The following MRPS10 variants were observed in gnomAD, a reference collection of about 807,000 sequenced individuals.
MRPS10 encodes mitochondrial ribosomal protein S10, also known as small ribosomal subunit protein uS10m.
MRPS10 carries 23 observed loss-of-function variants against 27.5 expected under a neutral mutation model. The observed-to-expected ratio is 0.84, with a 90% confidence interval of 0.60 to 1.18. The LOEUF (loss-of-function observed/expected upper bound fraction) is 1.18, where lower values mean the gene tolerates loss of function less well. MRPS10 is among the 50% of genes most tolerant of loss of function. The pLI is 0.00. For missense variants in MRPS10, 237 were observed against 240.1 expected, an observed-to-expected ratio of 0.99 and a Z score of 0.09; for synonymous variants, 88 against 84.2, an observed-to-expected ratio of 1.04 and a Z score of -0.25.
chr6:42,214,637 G>GA lies in MRPS10; in HGVS notation c.49-294dup, dbSNP rs3215606. Among the ~76,000 whole-genome samples, 327 of 151,988 alleles carry GA rather than the reference G, an allele frequency of 2.2e-3. 2 individuals are homozygous for GA. The highest frequency in any genetic ancestry group is 7.4e-3 in the African/African-American group (305 of 41,390). On this transcript the variant is annotated intron_variant, in intron 1 of 6. Coordinates refer to ENST00000053468, the MANE Select transcript of MRPS10 (RefSeq NM_018141.4). ...AAGCTATGAATTATGTGGACATCAA[G>GA]AAAAAATGTGACTTCATTTTCCCAT...
At chr6:42,212,467 T>C (rs1418790035) in intron 3 of MRPS10, among the ~76,000 whole-genome samples, 1 of 151,978 alleles carries the variant, frequency 6.6e-6, no homozygotes, top group Non-Finnish European at 1.5e-5. Context: ...GTTCTATTCA[T>C]ATTTTTTATT....
intron 3 of MRPS10, among the ~76,000 whole-genome samples, chr6:42,213,186 T>C (rs934291962): frequency 6.6e-6 from 1 of 152,190 alleles, no homozygotes; most frequent in African/African-American, 2.4e-5. Flanking sequence ...TGGTGGCTCA[T>C]GCCTGTAATC....
chr6:42,213,583 G>C (rs968541226), intron 3 of MRPS10, among the ~76,000 whole-genome samples: 12 of 152,106 alleles, frequency 7.9e-5, no homozygotes, highest in African/African-American at 2.9e-4. Context: ...CTGTTAAAGG[G>C]GGTTATTTTT....
chr6:42,210,339 C>A (rs1249577979), intron 5 of MRPS10, 149 bp downstream of exon 5: 1 of 348,352 alleles, frequency 2.9e-6, no homozygotes, highest in Non-Finnish European at 5.3e-6. Context: ...ATGACACTTC[C>A]ATAAACACTA....
rs1207258001 is a variant in MRPS10, at chr6:42,214,108, G to A, written c.186+12C>T. 2.5e-6 allele frequency: 4 copies of A among 1,598,342 alleles called. No individual in the cohort carries two copies. Among genetic ancestry groups the A allele is most frequent in the Admixed American group, 1.7e-5 (1 of 59,250 alleles). On this transcript the variant is annotated intron_variant, in intron 3 of 6. Transcript: ENST00000053468. ...AGGTAGCTCCTTATACCAAGAAACA[G>A]GGAGTACATACCACAGGTTTGGTCA...
intron 1 of MRPS10, among the ~76,000 whole-genome samples, chr6:42,216,602 G>A (rs920615287): frequency 2.0e-5 from 3 of 151,522 alleles, no homozygotes; most frequent in Non-Finnish European, 4.4e-5. Flanking sequence ...CTTGAGGTCA[G>A]GAGTTCGAGA....
intron 3 of MRPS10, among the ~76,000 whole-genome samples, chr6:42,212,256 C>T (rs187721692): frequency 5.9e-5 from 9 of 152,316 alleles, no homozygotes; most frequent in Admixed American, 5.9e-4. Context: ...GGGCAGAAGA[C>T]TTGGATTGAG....
intron 5 of MRPS10, among the ~76,000 whole-genome samples, chr6:42,209,872 C>G (rs1412534610): frequency 1.3e-5 from 2 of 151,320 alleles, no homozygotes; most frequent in Non-Finnish European, 2.9e-5. Context: ...TTAATATTTA[C>G]CAATCACTTA....
intron 1 of MRPS10, among the ~76,000 whole-genome samples, chr6:42,216,007 TTTCTTTTTTTTTTCTTTTC>T (rs1768915417): frequency 7.0e-6 from 1 of 142,424 alleles, no homozygotes; most frequent in Non-Finnish European, 1.5e-5. Context: ...TGCTTTTTCT[TTTCTTTTTTTTTTCTTTTC>T]TTTTTTTTTT....
chr6:42,212,188 C>T (rs985087302), intron 3 of MRPS10, among the ~76,000 whole-genome samples: 12 of 152,160 alleles, frequency 7.9e-5, no homozygotes, highest in South Asian at 2.1e-4. Context: ...CTTAAAATAA[C>T]GATTCAGCTT....
chr6:42,214,335 T>C lies in MRPS10; in HGVS notation c.58A>G (p.Asn20Asp), dbSNP rs1335268131. 2 of 1,607,594 alleles carry C rather than the reference T, an allele frequency of 1.2e-6. No homozygotes were observed. Among genetic ancestry groups the C allele is most frequent in the South Asian group, 2.2e-5 (2 of 89,996 alleles). The change falls in exon 2 of 7, where the codon AAT becomes GAT. Residue 20 changes from asparagine to aspartate, a missense_variant. Transcript: ENST00000053468. ...VCRRLWQGLG[N>D]FSVNTSKGNT... ...CCCTTAGAAGTGTTTACAGAAAAAT[T>C]CCCCAATCCCTAAAGAAAAAAAAAG...
At chr6:42,213,967 G>A (rs1198862101) in intron 3 of MRPS10, among the ~76,000 whole-genome samples, 153 bp downstream of exon 3, 1 of 152,122 alleles carries the variant, frequency 6.6e-6, no homozygotes, top group Non-Finnish European at 1.5e-5. Flanking sequence ...ATAATCCAGG[G>A]AGTTAAGAGA....
At position 42,214,273 on chromosome 6, in the gene MRPS10, T is replaced by C. The variant is rs375853521; in HGVS notation, c.113+7A>G. On this transcript the variant is annotated splice_region_variant and intron_variant, in intron 2 of 6. Transcript: ENST00000053468. ...GTTCAATTTAGCACATCCAATTGTA[T>C]ACTTACAGAAGCAAGCCACCATTTT... is the stretch of plus-strand genomic sequence containing the variant. 5.0e-6 allele frequency: 8 copies of C among 1,612,140 alleles called. No individual in the cohort carries two copies. In the Admixed American group the frequency reaches 1.2e-4, roughly 24 times the overall value.
intron 5 of MRPS10, 82 bp from the exon 6 acceptor site, chr6:42,209,029 T>C (rs1251615628): frequency 5.1e-5 from 45 of 877,654 alleles, no homozygotes; most frequent in Non-Finnish European, 7.7e-5. Flanking sequence ...AGATGGAGTC[T>C]CACTCTGTTG....
rs1176001743 is a variant in MRPS10 at position 42,211,877 on chromosome 6, A to G, written c.227T>C (p.Leu76Pro). Reference protein sequence around the residue: ...SDEPDILYKRLSVLVKGHDKA... With the variant: ...SDEPDILYKRPSVLVKGHDKA... The stretch of plus-strand genomic sequence containing the variant: ...ATCGTGACCTTTCACCAAAACCGAG[A>G]GGCGCTTATATAATATGTCTGGTTC... Residue 76 changes from leucine (L) to proline (P), a missense_variant, in exon 4 of 7, where the codon CTC becomes CCC. Around this residue, in one of 3 missense-constraint regions of MRPS10, gnomAD observed 164 missense variants for 137.8 expected, o/e 1.19. Coordinates refer to ENST00000053468, the MANE Select transcript of MRPS10 (RefSeq NM_018141.4). 1 of 1,614,028 alleles carries G rather than the reference A, an allele frequency of 6.2e-7. No individual in the cohort carries two copies. Among genetic ancestry groups the G allele is most frequent in the East Asian group, 2.2e-5 (1 of 44,884 alleles).
At chr6:42,211,331 G>A (rs1768765971) in intron 4 of MRPS10, among the ~76,000 whole-genome samples, 1 of 152,116 alleles carries the variant, frequency 6.6e-6, no homozygotes, top group African/African-American at 2.4e-5. Context: ...ATCCTGATTA[G>A]GATAACATAT....
chr6:42,215,024 C>A (rs7765328), intron 1 of MRPS10, among the ~76,000 whole-genome samples: 83,047 of 151,944 alleles, frequency 0.55, 24,556 homozygotes, highest in East Asian at 0.83. Flanking sequence ...TTTTTCCTTT[C>A]AACTTTTCTG....
intron 4 of MRPS10, 109 bp from the exon 5 acceptor site, chr6:42,210,705 C>T: frequency 4.2e-6 from 6 of 1,442,706 alleles, no homozygotes; most frequent in East Asian, 2.6e-5. Flanking sequence ...CTACCATTTA[C>T]AGACTTCCAT....
intron 5 of MRPS10, among the ~76,000 whole-genome samples, chr6:42,209,201 T>C (rs1025586853): frequency 1.9e-5 from 2 of 105,878 alleles, no homozygotes; most frequent in Non-Finnish European, 4.5e-5. Context: ...TTTCATCATG[T>C]TGGCCAGGCT....
Sources: allele counts gnomAD v4.1 joint callset (sites outside exome capture counted in the v4.1 genomes callset), GRCh38; gene constraint gnomAD v4.1.1; regional missense constraint gnomAD v4.1.1; transcripts MANE v1.5; gene names NCBI Gene and HGNC (gene_info 2026-07-23, HGNC 2026-07-21).